Variants in KLHL1 observed in about 807,000 individuals in gnomAD.
The protein encoded by KLHL1 is kelch-like protein 1.
KLHL1 carries 47 observed loss-of-function variants against 77.7 expected under a neutral mutation model. That is an observed-to-expected ratio of 0.60 (90% CI 0.48 to 0.77). The LOEUF is 0.77. Among genes scored for constraint, KLHL1 ranks in the 30% least tolerant of loss-of-function variants. The pLI is 0.00. For synonymous variants in KLHL1, 360 were observed against 325.2 expected, an observed-to-expected ratio of 1.11 and a Z score of -1.15; for missense variants, 925 against 910.8, an observed-to-expected ratio of 1.02 and a Z score of -0.20.
intron 4 of KLHL1, among the ~76,000 whole-genome samples, chr13:69,918,901 A>G (rs973724803): frequency 3.3e-5 from 5 of 151,986 alleles, no homozygotes; most frequent in Admixed American, 3.3e-4. Context: ...GAGCTTCTTT[A>G]CTCTTCATCA....
chr13:69,880,262 A>T (rs536689318), intron 5 of KLHL1, among the ~76,000 whole-genome samples: 2 of 152,294 alleles, frequency 1.3e-5, no homozygotes, highest in South Asian at 4.1e-4. Context: ...AAATATATGT[A>T]ATATGCTTAT....
intron 1 of KLHL1, among the ~76,000 whole-genome samples, chr13:70,069,389 A>G (rs1887087224): frequency 6.6e-6 from 1 of 152,218 alleles, no homozygotes; most frequent in African/African-American, 2.4e-5. Flanking sequence ...CAAGAGAAAC[A>G]TAAAGCCTCA....
intron 2 of KLHL1, among the ~76,000 whole-genome samples, chr13:69,968,100 G>T (rs9564635): frequency 0.62 from 93,262 of 151,304 alleles, 28,808 homozygotes; most frequent in South Asian, 0.65. Flanking sequence ...TTTTAAGAAT[G>T]GCCACAGATA....
intron 4 of KLHL1, among the ~76,000 whole-genome samples, chr13:69,901,758 A>C (rs1163217959): frequency 6.6e-6 from 1 of 151,292 alleles, no homozygotes; most frequent in Non-Finnish European, 1.5e-5. Flanking sequence ...ATTGTGGAGC[A>C]CAATGAGTTT....
intron 3 of KLHL1, among the ~76,000 whole-genome samples, chr13:69,958,250 T>C (rs986094074): frequency 1.3e-5 from 2 of 151,504 alleles, no homozygotes; most frequent in African/African-American, 4.8e-5. Flanking sequence ...ATAATAATAA[T>C]AATAATAATA....
intron 5 of KLHL1, among the ~76,000 whole-genome samples, chr13:69,850,974 CTTTAT>C (rs369490102): frequency 2.2e-3 from 327 of 151,746 alleles, no homozygotes; most frequent in African/African-American, 7.5e-3. Flanking sequence ...TGAAGGTTAT[CTTTAT>C]TTTATCTATA....
chr13:70,039,728 C>T (rs1021982507), intron 1 of KLHL1, among the ~76,000 whole-genome samples: 2 of 150,754 alleles, frequency 1.3e-5, no homozygotes, highest in African/African-American at 4.9e-5. Flanking sequence ...CAACCTCTGC[C>T]TCCTGGACTC....
At chr13:69,805,557 C>A (rs73212516) in intron 6 of KLHL1, among the ~76,000 whole-genome samples, 28,930 of 151,014 alleles carry the variant, frequency 0.19, 3,225 homozygotes, top group South Asian at 0.31. Flanking sequence ...CAAGTCAATA[C>A]AATATTTAAA....
chr13:69,937,531 T>C (rs1566422680), intron 4 of KLHL1, among the ~76,000 whole-genome samples: 1 of 152,186 alleles, frequency 6.6e-6, no homozygotes, highest in African/African-American at 2.4e-5. Flanking sequence ...AATTTCATAA[T>C]ATAATCTAAG....
At chr13:69,797,827 TAA>T (rs35332261) in intron 6 of KLHL1, among the ~76,000 whole-genome samples, 35 of 130,650 alleles carry the variant, frequency 2.7e-4, no homozygotes, top group Admixed American at 4.0e-4. Context: ...AGACTCCATC[TAA>T]AAAAAAAAAA....
intron 4 of KLHL1, among the ~76,000 whole-genome samples, chr13:69,896,126 A>G (rs1164640142): frequency 6.6e-6 from 1 of 151,818 alleles, no homozygotes; most frequent in Non-Finnish European, 1.5e-5. Flanking sequence ...CAGCTTTTAG[A>G]CACTTCTCAC....
intron 6 of KLHL1, among the ~76,000 whole-genome samples, chr13:69,822,254 T>C (rs893772985): frequency 6.6e-6 from 1 of 150,650 alleles, no homozygotes; most frequent in Non-Finnish European, 1.5e-5. Context: ...TCAATGAATA[T>C]TGGCAGCAGA....
intron 7 of KLHL1, among the ~76,000 whole-genome samples, chr13:69,748,043 C>A (rs1358043575): frequency 6.6e-6 from 1 of 152,002 alleles, no homozygotes; most frequent in South Asian, 2.1e-4. Context: ...TTTACCATCT[C>A]TCTACTGGAG....
At chr13:69,828,932 G>A (rs1878654874) in intron 6 of KLHL1, among the ~76,000 whole-genome samples, 1 of 150,240 alleles carries the variant, frequency 6.7e-6, no homozygotes, top group South Asian at 2.1e-4. Flanking sequence ...GCTCAGATAT[G>A]CCTAACCCTG....
chr13:69,975,607 C>T lies in KLHL1; in HGVS notation c.680+13G>A. On this transcript the variant is annotated intron_variant, in intron 2 of 10. Transcript: ENST00000377844. ...TGTGAATGCATGTTTCCAGTAGAGGCAGACTACTGTACCTATGTGCAGGTA... is the reference window on the plus strand; with the variant it reads ...TGTGAATGCATGTTTCCAGTAGAGGTAGACTACTGTACCTATGTGCAGGTA... 1 of 1,603,666 alleles carries T rather than the reference C, an allele frequency of 6.2e-7. No homozygotes were observed. Among genetic ancestry groups the T allele is most frequent in the South Asian group, 1.1e-5 (1 of 89,402 alleles).
intron 7 of KLHL1, among the ~76,000 whole-genome samples, chr13:69,767,270 CAT>C (rs1566229075): frequency 1.3e-5 from 2 of 152,026 alleles, no homozygotes; most frequent in African/African-American, 2.4e-5. Context: ...AAATTAAAAA[CAT>C]GTACATAAAT....
At chr13:69,825,311 T>C (rs1267089747) in intron 6 of KLHL1, among the ~76,000 whole-genome samples, 1 of 152,094 alleles carries the variant, frequency 6.6e-6, no homozygotes, top group Non-Finnish European at 1.5e-5. Context: ...TGTATGTGTA[T>C]GAGTAGTACT....
chr13:70,012,506 G>T (rs1349569979), intron 1 of KLHL1, among the ~76,000 whole-genome samples: 1 of 151,984 alleles, frequency 6.6e-6, no homozygotes, highest in African/African-American at 2.4e-5. Context: ...AAGGGGGCTT[G>T]TTTGGCAGTC....
chr13:69,712,917 C>T (rs1226667175), intron 9 of KLHL1, among the ~76,000 whole-genome samples: 1 of 151,882 alleles, frequency 6.6e-6, no homozygotes, highest in Non-Finnish European at 1.5e-5. Context: ...TCAAGCAAAC[C>T]TTCCACCTTA....
Sources: allele counts gnomAD v4.1 joint callset (sites outside exome capture counted in the v4.1 genomes callset), GRCh38; gene constraint gnomAD v4.1.1; transcripts MANE v1.5; gene names NCBI Gene and HGNC (gene_info 2026-07-23, HGNC 2026-07-21).